The following FRMD6 variants were observed in gnomAD, a reference collection of about 807,000 sequenced individuals.
The protein encoded by FRMD6 is FERM domain-containing protein 6.
A neutral mutation model predicts 73.2 loss-of-function variants in FRMD6; 37 were observed. The ratio of observed to expected loss-of-function variants is 0.51; its 90% CI spans 0.39 to 0.66. The LOEUF is 0.66. Among genes scored for constraint, FRMD6 ranks in the 30% least tolerant of loss-of-function variants. The pLI, the probability that FRMD6 is intolerant of heterozygous loss-of-function variation, is 0.00. For missense variants in FRMD6, 714 were observed against 780.5 expected (o/e 0.91, Z 1.02); for synonymous variants, 273 against 282.2 (o/e 0.97, Z 0.33).
At chr14:51,549,316 T>G (rs1482345404) in intron 1 of FRMD6, among the ~76,000 whole-genome samples, 2 of 152,166 alleles carry the variant, frequency 1.3e-5, no homozygotes, top group Non-Finnish European at 2.9e-5. Flanking sequence ...TACAAGCAGA[T>G]TTTTTGTGTT....
the FRMD6 span, among the ~76,000 whole-genome samples, chr14:51,442,738 T>C: frequency 1.3e-5 from 2 of 152,252 alleles, no homozygotes; most frequent in Non-Finnish European, 2.9e-5. Flanking sequence ...TGGCTGCTAA[T>C]GAGACATTGC....
At chr14:51,621,896 A>C (rs915975507) in intron 2 of FRMD6, among the ~76,000 whole-genome samples, 3 of 152,322 alleles carry the variant, frequency 2.0e-5, no homozygotes, top group South Asian at 4.1e-4. Context: ...CACAGAGGGG[A>C]CCAGCATAAA....
At chr14:51,642,117 GA>G (rs1428164026) in intron 2 of FRMD6, among the ~76,000 whole-genome samples, 1 of 152,204 alleles carries the variant, frequency 6.6e-6, no homozygotes, top group Non-Finnish European at 1.5e-5. Flanking sequence ...GGATTTCAGT[GA>G]AAGTACAACT....
At chr14:51,498,404 C>T (rs1427031629) in intron 1 of FRMD6, among the ~76,000 whole-genome samples, 1 of 134,500 alleles carries the variant, frequency 7.4e-6, no homozygotes, top group African/African-American at 3.0e-5. Flanking sequence ...TGTGGCAGCA[C>T]TCCACTCACC....
intron 5 of FRMD6, among the ~76,000 whole-genome samples, chr14:51,704,255 A>G (rs1896496530): frequency 1.3e-5 from 2 of 152,160 alleles, no homozygotes; most frequent in South Asian, 4.1e-4. Flanking sequence ...ATATATGCAA[A>G]TACTTATAAA....
the FRMD6 span, among the ~76,000 whole-genome samples, chr14:51,480,062 T>C: frequency 6.6e-6 from 1 of 152,014 alleles, no homozygotes; most frequent in Non-Finnish European, 1.5e-5. Flanking sequence ...TTGGAAGGGG[T>C]GGATCACTGA....
intron 1 of FRMD6, among the ~76,000 whole-genome samples, chr14:51,526,736 G>A (rs904658041): frequency 5.9e-5 from 9 of 152,186 alleles, no homozygotes; most frequent in Admixed American, 2.0e-4. Context: ...TACTGTCTCT[G>A]TTTCCACTCA....
At chr14:51,658,792 T>A (rs1260961172) in intron 1 of FRMD6, among the ~76,000 whole-genome samples, 1 of 152,200 alleles carries the variant, frequency 6.6e-6, no homozygotes, top group African/African-American at 2.4e-5. Flanking sequence ...ACATTTTATT[T>A]TATGTTTCCC....
chr14:51,643,908 T>C (rs1891930508), intron 2 of FRMD6, among the ~76,000 whole-genome samples: 1 of 152,236 alleles, frequency 6.6e-6, no homozygotes, highest in African/African-American at 2.4e-5. Context: ...AAAATCCTGC[T>C]AATAAACTTC....
the FRMD6 span, among the ~76,000 whole-genome samples, chr14:51,440,659 C>T: frequency 6.6e-6 from 1 of 151,592 alleles, no homozygotes; most frequent in Non-Finnish European, 1.5e-5. Context: ...GGACATAGAG[C>T]CAAGCAAATG....
chr14:51,544,646 G>C (rs1886370297), intron 1 of FRMD6, among the ~76,000 whole-genome samples: 1 of 151,344 alleles, frequency 6.6e-6, no homozygotes, highest in African/African-American at 2.4e-5. Context: ...GAGTTCTGCT[G>C]TGCAAAGACG....
the FRMD6 span, among the ~76,000 whole-genome samples, chr14:51,408,902 C>T: frequency 1.3e-5 from 2 of 152,176 alleles, no homozygotes; most frequent in Non-Finnish European, 2.9e-5. Context: ...TTGATTTCCT[C>T]AGGTTCCTGG....
At chr14:51,705,988 C>T (rs1024417555) in intron 6 of FRMD6, among the ~76,000 whole-genome samples, 2 of 151,994 alleles carry the variant, frequency 1.3e-5, no homozygotes, top group South Asian at 4.1e-4. Flanking sequence ...CTGGTTTTTT[C>T]CCCTATATCC....
At chr14:51,593,852 TAC>T (rs202173295) in intron 2 of FRMD6, among the ~76,000 whole-genome samples, 10 of 151,794 alleles carry the variant, frequency 6.6e-5, no homozygotes, top group South Asian at 2.1e-4. Flanking sequence ...TATATATACA[TAC>T]ACACACACAC....
At chr14:51,483,984 C>T in the FRMD6 span, among the ~76,000 whole-genome samples, 6 of 152,126 alleles carry the variant, frequency 3.9e-5, no homozygotes, top group South Asian at 2.1e-4. Context: ...AGTAAGAGTT[C>T]GCTTCTTTAT....
chr14:51,478,951 T>C, the FRMD6 span, among the ~76,000 whole-genome samples: 4 of 152,234 alleles, frequency 2.6e-5, no homozygotes, highest in Non-Finnish European at 4.4e-5. Context: ...GGAGAAAACC[T>C]ATAATATTGT....
chr14:51,432,393 T>C, the FRMD6 span, among the ~76,000 whole-genome samples: 1 of 152,168 alleles, frequency 6.6e-6, no homozygotes, highest in South Asian at 2.1e-4. Context: ...CTCAGGAAAA[T>C]TCCCTTTTTC....
At chr14:51,466,369 A>G in the FRMD6 span, among the ~76,000 whole-genome samples, 1 of 152,194 alleles carries the variant, frequency 6.6e-6, no homozygotes, top group African/African-American at 2.4e-5. Flanking sequence ...TATTCTTTGA[A>G]AGTTTAATAG....
At chr14:51,485,126 C>T (rs149640351), upstream of FRMD6, among the ~76,000 whole-genome samples, 68 of 152,306 alleles carry the variant, frequency 4.5e-4, no homozygotes, top group African/African-American at 1.5e-3. Flanking sequence ...GGACAGTTGG[C>T]TTTTAAGGCG....
Sources: gnomAD v4.1 joint callset for allele counts (sites outside exome capture counted in the v4.1 genomes callset) on GRCh38, gnomAD v4.1.1 for gene constraint, MANE v1.5 for transcripts, NCBI Gene and HGNC (gene_info 2026-07-23, HGNC 2026-07-21) for gene names.